The following SLC7A2 variants were observed in gnomAD, a reference collection of about 807,000 sequenced individuals.
SLC7A2 encodes the protein cationic amino acid transporter 2.
Under a neutral mutation model 58.9 loss-of-function variants are expected in SLC7A2, and 48 were observed. The observed-to-expected ratio is 0.82, with a 90% CI of 0.65 to 1.04. SLC7A2 has a LOEUF of 1.04. SLC7A2 is among the 50% of genes least tolerant of loss of function. The pLI is 0.00. For synonymous variants in SLC7A2, 363 were observed against 314.5 expected (o/e 1.15, Z -1.63); for missense variants, 1,029 against 818.8 (o/e 1.26, Z -3.13).
intron 5 of SLC7A2, among the ~76,000 whole-genome samples, chr8:17,549,467 A>G (rs1802343114): frequency 1.3e-5 from 2 of 152,238 alleles, no homozygotes; most frequent in Admixed American, 6.5e-5. Context: ...GTTTAGGGAA[A>G]GAGCAAGGGA....
intron 2 of SLC7A2, among the ~76,000 whole-genome samples, chr8:17,502,649 G>C (rs1409346275): frequency 1.3e-5 from 2 of 152,062 alleles, no homozygotes; most frequent in Non-Finnish European, 2.9e-5. Flanking sequence ...ATTCCTGAGA[G>C]GTTGGGTGGA....
At chr8:17,507,074 A>G (rs1047120761) in intron 2 of SLC7A2, among the ~76,000 whole-genome samples, 2 of 151,752 alleles carry the variant, frequency 1.3e-5, no homozygotes, top group Non-Finnish European at 2.9e-5. Context: ...CCTCCCAGGT[A>G]GCTGGGACCA....
chr8:17,503,414 T>G (rs1029717528), intron 2 of SLC7A2, among the ~76,000 whole-genome samples: 1 of 152,044 alleles, frequency 6.6e-6, no homozygotes, highest in African/African-American at 2.4e-5. Context: ...AGATCGCGAG[T>G]TTTTTCCTTC....
In SLC7A2 at chr8:17,567,480, A is replaced by G. The variant is rs1265938953; in HGVS notation, c.*2334A>G. 6.5e-6 allele frequency: 1 copy of G among 152,676 alleles called. No homozygotes were observed. The allele number at this position is 152,676 out of a possible 1,614,324, so 9.5% of individuals were successfully genotyped here. The stretch of plus-strand genomic sequence containing the variant: ...AATATCTATGAAAAGATGCTTTGTC[A>G]GCCACTGTGCCTTTTTTTCTGTGAA... On this transcript the variant is annotated 3_prime_UTR_variant, in exon 13 of 13. Coordinates refer to ENST00000494857, the MANE Select transcript of SLC7A2 (RefSeq NM_001370338.1).
chr8:17,528,364 G>C (rs1009745511), intron 2 of SLC7A2, among the ~76,000 whole-genome samples: 5 of 152,034 alleles, frequency 3.3e-5, no homozygotes, highest in African/African-American at 4.8e-5. Context: ...CTGTTTTTCG[G>C]TGTGGCCATT....
chr8:17,548,857 G>T lies in SLC7A2; in HGVS notation c.698+14G>T, dbSNP rs367660905. 5.6e-6 allele frequency: 8 copies of T among 1,432,308 alleles called. No homozygotes were observed. In the South Asian group the frequency reaches 9.0e-5, roughly 16 times the overall value. 88.7% of individuals were successfully genotyped at this position (1,432,308 alleles called of 1,614,324 possible). A position where few individuals can be genotyped will look rare whatever the true frequency, so the allele number is the denominator to read the frequency against. On this transcript the variant is annotated intron_variant, in intron 5 of 12. Coordinates refer to ENST00000494857, the MANE Select transcript of SLC7A2 (RefSeq NM_001370338.1). ...AGCAAGTGCCAGGTAAAATATTTGA[G>T]GTTTTTTTTTTTCTCCTTCTTGTTT...
At chr8:17,505,443 A>C (rs906046916) in intron 2 of SLC7A2, among the ~76,000 whole-genome samples, 2 of 152,160 alleles carry the variant, frequency 1.3e-5, no homozygotes, top group Non-Finnish European at 2.9e-5. Context: ...TCTGAGTCAC[A>C]GAGGTATGAC....
intron 2 of SLC7A2, among the ~76,000 whole-genome samples, chr8:17,514,478 A>G (rs1404528187): frequency 6.6e-6 from 1 of 152,230 alleles, no homozygotes. Context: ...AAATATATCT[A>G]GAAAGAAAGA....
rs1348754737 is a variant in SLC7A2, at chr8:17,497,254, C to G, written c.-69+17C>G. 1 of 152,064 alleles carries G rather than the reference C, an allele frequency of 6.6e-6. No individual in the cohort carries two copies. Among genetic ancestry groups the G allele is most frequent in the East Asian group, 1.9e-4 (1 of 5,152 alleles). The allele number at this position is 152,064 out of a possible 1,614,324, so 9.4% of individuals were successfully genotyped here. A position where few individuals can be genotyped will look rare whatever the true frequency, so the allele number is the denominator to read the frequency against. The stretch of plus-strand genomic sequence containing the variant: ...CCAGCCCCAGTAAGTTGCTAGGTCT[C>G]CAGCCCCGCCGAGAGGCCGCGGGCG... On this transcript the variant is annotated intron_variant, in intron 1 of 12. Transcript: ENST00000494857.
intron 8 of SLC7A2, among the ~76,000 whole-genome samples, chr8:17,557,625 C>T (rs953086659): frequency 2.0e-5 from 3 of 152,096 alleles, no homozygotes; most frequent in East Asian, 3.8e-4. Context: ...GAGGCCAGTT[C>T]GAGACCAGCC....
chr8:17,522,853 C>G (rs1801070950), intron 2 of SLC7A2, among the ~76,000 whole-genome samples: 1 of 151,906 alleles, frequency 6.6e-6, no homozygotes, highest in Non-Finnish European at 1.5e-5. Flanking sequence ...CTGGGCAACA[C>G]AGTGACACCC....
At chr8:17,544,740 C>T (rs1017255275) in intron 4 of SLC7A2, 134 bp downstream of exon 4, 5 of 721,902 alleles carry the variant, frequency 6.9e-6, no homozygotes, top group Middle Eastern at 3.8e-4. Context: ...CACTGTTAGA[C>T]ATCTGTGGGG....
At position 17,543,504 on chromosome 8, in the gene SLC7A2, C is replaced by A; in HGVS notation, c.165C>A (p.Leu55=). ...GSTLGAGVYV[L]AGEVAKADSG... is the part of the protein sequence containing the mutation. ...CCCTTGGGGCCGGGGTTTATGTCCT[C>A]GCTGGGGAGGTGGCCAAGGCAGACT... Residue 55 remains leucine (L), a synonymous_variant, in exon 3 of 13, where the codon CTC becomes CTA. Coordinates refer to ENST00000494857, the MANE Select transcript of SLC7A2 (RefSeq NM_001370338.1). 6.2e-7 allele frequency: 1 copy of A among 1,613,962 alleles called. No individual in the cohort carries two copies. The highest frequency in any genetic ancestry group is 8.5e-7 in the Non-Finnish European group (1 of 1,179,986).
chr8:17,548,795 A>G lies in SLC7A2; in HGVS notation c.650A>G (p.Asn217Ser). ...VAGFVKGNVA[N>S]WKISEEFLKN... ...GGGTTTGTGAAAGGAAATGTGGCAA[A>G]CTGGAAGATTAGTGAAGAGTTTCTC... is the stretch of plus-strand genomic sequence containing the variant. The change falls in exon 5 of 13, where the codon AAC becomes AGC. Residue 217 changes from asparagine (N) to serine (S), a missense_variant. Transcript: ENST00000494857. 1.9e-6 allele frequency: 3 copies of G among 1,613,866 alleles called. No homozygotes were observed. The highest frequency in any genetic ancestry group is 2.5e-6 in the Non-Finnish European group (3 of 1,179,968).
chr8:17,546,630 A>G (rs1452028174), intron 4 of SLC7A2, among the ~76,000 whole-genome samples: 1 of 152,222 alleles, frequency 6.6e-6, no homozygotes, highest in Non-Finnish European at 1.5e-5. Flanking sequence ...TTACAATTAC[A>G]GAGTCAGGAA....
In SLC7A2 at chr8:17,560,543, C is replaced by A. The variant is rs766993602; in HGVS notation, c.1504+10C>A. 3.1e-6 allele frequency: 5 copies of A among 1,605,562 alleles called. No homozygotes were observed. Among genetic ancestry groups the A allele is most frequent in the Non-Finnish European group, 4.3e-6 (5 of 1,172,524 alleles). ...CTGGTAGGATTCCTAGGTAAGTCTT[C>A]TTCTCTGCTTACATTGTACAGACCC... On this transcript the variant is annotated intron_variant, in intron 10 of 12. Coordinates refer to ENST00000494857, the MANE Select transcript of SLC7A2 (RefSeq NM_001370338.1).
intron 2 of SLC7A2, among the ~76,000 whole-genome samples, chr8:17,508,727 A>C (rs1289210363): frequency 6.6e-6 from 1 of 152,130 alleles, no homozygotes; most frequent in African/African-American, 2.4e-5. Context: ...AAAAATAAAA[A>C]TAAAAATAAA....
intron 2 of SLC7A2, among the ~76,000 whole-genome samples, chr8:17,536,108 CAAAAA>C (rs35051977): frequency 7.0e-6 from 1 of 142,322 alleles, no homozygotes. Context: ...TTCCTTGGCA[CAAAAA>C]AAAAAAAAAA....
intron 2 of SLC7A2, among the ~76,000 whole-genome samples, chr8:17,512,925 G>C (rs1800663205): frequency 6.6e-6 from 1 of 152,116 alleles, no homozygotes; most frequent in Non-Finnish European, 1.5e-5. Context: ...CACTGAACAT[G>C]ATGTTCTCGA....
Sources: gnomAD v4.1 joint callset for allele counts (sites outside exome capture counted in the v4.1 genomes callset) on GRCh38, gnomAD v4.1.1 for gene constraint, MANE v1.5 for transcripts, NCBI Gene and HGNC (gene_info 2026-07-23, HGNC 2026-07-21) for gene names.